ART3: variants seen among roughly 807,000 people sequenced by gnomAD.
The protein encoded by ART3 is ADP-ribosyltransferase 3 (inactive), also known as ecto-ADP-ribosyltransferase 3.
Under a neutral mutation model 48.5 loss-of-function variants are expected in ART3, and 49 were observed. The ratio of observed to expected loss-of-function variants is 1.01; its 90% confidence interval spans 0.80 to 1.28. The LOEUF is 1.28. Among genes scored for constraint, ART3 ranks in the 50% most tolerant of loss-of-function variants. The pLI is 0.00. For missense variants in ART3, 438 were observed against 454.3 expected, an observed-to-expected ratio of 0.96 and a Z score of 0.33; for synonymous variants, 145 against 157.2, an observed-to-expected ratio of 0.92 and a Z score of 0.58.
chr4:76,014,599 A>C (rs1732094318), intron 1 of ART3, among the ~76,000 whole-genome samples: 1 of 152,182 alleles, frequency 6.6e-6, no homozygotes, highest in Admixed American at 6.5e-5. Flanking sequence ...TGAGTTTCGG[A>C]AGGAGAAGAG....
At chr4:76,103,613 C>T (rs1005598423) in intron 8 of ART3, among the ~76,000 whole-genome samples, 1 of 151,992 alleles carries the variant, frequency 6.6e-6, no homozygotes, top group African/African-American at 2.4e-5. Context: ...ACTATAATTA[C>T]GATAGAGCTA....
rs563600308 is a variant in ART3 at position 76,097,307 on chromosome 4, C to T, written c.782-337C>T. Among the ~76,000 whole-genome samples the T allele has an allele frequency of 1.8e-3, 277 of 152,124 alleles. 1 individual carries two copies. Among genetic ancestry groups the T allele is most frequent in the Non-Finnish European group, 2.6e-3 (177 of 67,992 alleles). On this transcript the variant is annotated intron_variant, in intron 3 of 11. Coordinates refer to ENST00000355810, the MANE Select transcript of ART3 (RefSeq NM_001130016.3). ...GCAGCTTCAACCTCCTGGGCTCAAG[C>T]GATCCTCCCACCTGACCCTCCTGAG...
At chr4:76,020,463 A>G (rs1732692079) in intron 1 of ART3, among the ~76,000 whole-genome samples, 1 of 152,150 alleles carries the variant, frequency 6.6e-6, no homozygotes, top group South Asian at 2.1e-4. Flanking sequence ...TTTGCCAACT[A>G]AATGTATTGT....
chr4:76,023,811 A>G (rs1292369154), intron 1 of ART3, among the ~76,000 whole-genome samples: 1 of 152,224 alleles, frequency 6.6e-6, no homozygotes, highest in African/African-American at 2.4e-5. Flanking sequence ...GCTTTTTCTC[A>G]ACACTTAAAC....
At chr4:76,078,818 C>G (rs188572152) in intron 2 of ART3, among the ~76,000 whole-genome samples, 1 of 152,302 alleles carries the variant, frequency 6.6e-6, no homozygotes. Flanking sequence ...CGGTGGCTCA[C>G]GCCTGTAATC....
chr4:76,079,141 T>C (rs774612219), intron 2 of ART3, among the ~76,000 whole-genome samples: 1 of 143,764 alleles, frequency 7.0e-6, no homozygotes, highest in Admixed American at 7.1e-5. Flanking sequence ...TCCAATTCCA[T>C]GTAAGTCTCA....
chr4:76,104,700 T>C, intron 10 of ART3, 71 bp downstream of exon 10: 1 of 1,514,858 alleles, frequency 6.6e-7, no homozygotes, highest in Non-Finnish European at 9.0e-7. Flanking sequence ...TAGATATGCA[T>C]GGGACTTTCT....
chr4:76,059,526 T>C (rs1718999594), intron 1 of ART3, among the ~76,000 whole-genome samples: 1 of 109,452 alleles, frequency 9.1e-6, no homozygotes, highest in Non-Finnish European at 1.9e-5. Context: ...GGCTGTGAAT[T>C]GAACCTTTCT....
chr4:76,082,491 G>C lies in ART3; in HGVS notation c.737G>C (p.Ser246Thr). 6.2e-7 allele frequency: 1 copy of C among 1,607,184 alleles called. No individual in the cohort carries two copies. The highest frequency in any genetic ancestry group is 8.5e-7 in the Non-Finnish European group (1 of 1,176,912). ...GCTGGCAATAACCTTATCCTTCAAA[G>C]CATAAACAAGACCTGCAGCCATTAT... ...EGAGNNLILQ[S>T]INKTCSHYEC... Residue 246 changes from serine to threonine, a missense_variant, in exon 3 of 12, where the codon AGC (serine) becomes ACC (threonine). This residue lies in a region of ART3 where 227 missense variants were observed against 229.6 expected (regional missense o/e 0.99). Coordinates refer to ENST00000355810, the MANE Select transcript of ART3 (RefSeq NM_001130016.3).
chr4:76,044,484 A>G (rs1022433304), intron 1 of ART3, among the ~76,000 whole-genome samples: 3 of 152,100 alleles, frequency 2.0e-5, no homozygotes, highest in African/African-American at 7.2e-5. Context: ...TTGAAGATCC[A>G]CATAAGTAGA....
intron 1 of ART3, among the ~76,000 whole-genome samples, chr4:76,051,207 A>G (rs188453289): frequency 1.3e-5 from 2 of 152,384 alleles, no homozygotes; most frequent in African/African-American, 4.8e-5. Context: ...CTGCCAGCAC[A>G]CTGTCACCTC....
chr4:76,092,498 G>A (rs994154742), intron 3 of ART3, among the ~76,000 whole-genome samples: 1 of 152,124 alleles, frequency 6.6e-6, no homozygotes, highest in African/African-American at 2.4e-5. Flanking sequence ...AAAATCTGCT[G>A]TGCTCCTCAT....
intron 2 of ART3, among the ~76,000 whole-genome samples, chr4:76,076,518 C>T (rs1054000177): frequency 5.3e-5 from 8 of 152,174 alleles, no homozygotes; most frequent in Non-Finnish European, 1.2e-4. Flanking sequence ...GAATGATTCC[C>T]AACCTGTTGG....
At chr4:76,022,527 C>T in intron 1 of ART3, 1 of 1,507,628 alleles carries the variant, frequency 6.6e-7, no homozygotes. Flanking sequence ...ATACGCAGTT[C>T]TGAAGTCAGA....
rs548007002 is a variant in ART3, at chr4:76,089,965, A to G, written c.781+7430A>G. On this transcript the variant is annotated intron_variant, in intron 3 of 11. Transcript: ENST00000355810. ...CATGGTGGTGGGTACCTGTAGTCCC[A>G]GCTACTCGGGAGGCTGAGGCAGGAG... Among the ~76,000 whole-genome samples, 7 of 152,284 alleles carry G rather than the reference A, an allele frequency of 4.6e-5. No individual in the cohort carries two copies. In the South Asian group the frequency reaches 1.4e-3, roughly 32 times the overall value.
chr4:76,051,896 CTCTTTTTTTTTTTTTT>C (rs1438211864), intron 1 of ART3, among the ~76,000 whole-genome samples: 1 of 100,252 alleles, frequency 1.0e-5, no homozygotes, highest in African/African-American at 3.9e-5. Flanking sequence ...CTCTCTCTCT[CTCTTTTTTTTTTTTTT>C]TTTTTTTTGA....
At chr4:76,023,269 A>T in intron 1 of ART3, 2 of 860,702 alleles carry the variant, frequency 2.3e-6, no homozygotes, top group Non-Finnish European at 3.8e-6. Context: ...ATTTATAAGC[A>T]TGCAGTGAAA....
At chr4:76,078,468 A>C (rs2149532893) in intron 2 of ART3, among the ~76,000 whole-genome samples, 1 of 152,252 alleles carries the variant, frequency 6.6e-6, no homozygotes, top group African/African-American at 2.4e-5. Context: ...AGGAAAGTGC[A>C]TTTCTTGGCT....
intron 1 of ART3, among the ~76,000 whole-genome samples, chr4:76,028,595 G>A (rs1255850727): frequency 6.6e-6 from 1 of 152,210 alleles, no homozygotes; most frequent in South Asian, 2.1e-4. Context: ...TGATTTCTGT[G>A]GACTGGGAAT....
Sources: allele counts gnomAD v4.1 joint callset (sites outside exome capture counted in the v4.1 genomes callset), GRCh38; gene constraint gnomAD v4.1.1; regional missense constraint gnomAD v4.1.1; transcripts MANE v1.5; gene names NCBI Gene and HGNC (gene_info 2026-07-23, HGNC 2026-07-21).